The following DMD variants were observed in gnomAD, a reference collection of about 807,000 sequenced individuals.
DMD encodes dystrophin, also known as mutant dystrophin.
In DMD, 63 loss-of-function variants were observed where a neutral mutation model predicts 330.1. The ratio of observed to expected loss-of-function variants is 0.19; its 90% CI spans 0.16 to 0.24. DMD has a LOEUF of 0.24. Ranked by LOEUF, DMD falls within the 10% of genes least tolerant of loss-of-function variation. The pLI is 1.00. For missense variants in DMD, 3,344 were observed against 2,684.1 expected (o/e 1.25, Z -5.43); for synonymous variants, 1,223 against 959.8 (o/e 1.27, Z -5.07).
chrX:32,407,808 T>G (rs1270194812), intron 30 of DMD, among the ~76,000 whole-genome samples: 1 of 108,347 alleles, frequency 9.2e-6, no homozygotes, highest in Non-Finnish European at 1.9e-5. Context: ...AAAGGATGAG[T>G]TCATGTCCTT....
intron 2 of DMD, among the ~76,000 whole-genome samples, chrX:32,946,505 A>C (rs1287469440): frequency 3.6e-5 from 4 of 111,957 alleles, no homozygotes; most frequent in Admixed American, 9.5e-5. Flanking sequence ...CGTAAATTCA[A>C]TGTCCGATTC....
chrX:31,436,932 ATTTCC>A (rs2064573905), intron 60 of DMD, among the ~76,000 whole-genome samples: 1 of 111,015 alleles, frequency 9.0e-6, no homozygotes. Flanking sequence ...TCTTTTTTTT[ATTTCC>A]TTTACTTTTA....
intron 55 of DMD, among the ~76,000 whole-genome samples, chrX:31,523,551 G>T (rs181891059): frequency 1.8e-5 from 2 of 112,362 alleles, no homozygotes; most frequent in Non-Finnish European, 3.8e-5. Flanking sequence ...GACAGTTCTT[G>T]GGTGCAATGA....
chrX:31,163,323 C>T (rs190399876), intron 74 of DMD, among the ~76,000 whole-genome samples: 2 of 111,687 alleles, frequency 1.8e-5, no homozygotes, highest in Non-Finnish European at 3.8e-5. Context: ...CCTGCACATG[C>T]TCTCTTGCCT....
At chrX:32,108,920 T>G (rs2146599415) in intron 44 of DMD, among the ~76,000 whole-genome samples, 1 of 111,649 alleles carries the variant, frequency 9.0e-6, no homozygotes, top group East Asian at 2.8e-4. Context: ...AACATACGAA[T>G]GTTTAAAATT....
intron 16 of DMD, among the ~76,000 whole-genome samples, chrX:32,549,496 G>T (rs1301024649): frequency 3.6e-5 from 4 of 111,253 alleles, no homozygotes; most frequent in Non-Finnish European, 7.5e-5. Context: ...AGCCAGTCCT[G>T]GTTTTGAGAA....
intron 4 of DMD, among the ~76,000 whole-genome samples, chrX:32,837,962 T>C (rs2079803459): frequency 1.8e-5 from 2 of 112,061 alleles, no homozygotes; most frequent in Admixed American, 9.5e-5. Flanking sequence ...TTATTGATAA[T>C]GCTCATATTT....
chrX:32,258,179 G>A (rs2097307089), intron 43 of DMD, among the ~76,000 whole-genome samples: 1 of 111,708 alleles, frequency 9.0e-6, no homozygotes, highest in Non-Finnish European at 1.9e-5. Flanking sequence ...TGCTGGAGAG[G>A]ATGTGGAGAA....
intron 1 of DMD, among the ~76,000 whole-genome samples, chrX:33,223,763 C>CA (rs201214553): frequency 0.022 from 2,417 of 111,004 alleles, 71 homozygotes; most frequent in African/African-American, 0.076. Flanking sequence ...TTCTATGCTG[C>CA]AAAAGACATT....
chrX:31,522,361 CTCTATATATA>C (rs1396006303), intron 55 of DMD, among the ~76,000 whole-genome samples: 2 of 50,257 alleles, frequency 4.0e-5, no homozygotes, highest in Non-Finnish European at 6.4e-5. Context: ...CTCTCTCTCT[CTCTATATATA>C]TATATATATA....
intron 30 of DMD, among the ~76,000 whole-genome samples, chrX:32,396,853 C>A (rs1029946622): frequency 1.8e-5 from 2 of 111,402 alleles, no homozygotes; most frequent in African/African-American, 3.3e-5. Context: ...TTAGCTTGTA[C>A]TTAGGATATC....
intron 1 of DMD, among the ~76,000 whole-genome samples, chrX:33,296,494 T>A (rs2053586237): frequency 9.0e-6 from 1 of 110,543 alleles, no homozygotes; most frequent in African/African-American, 3.3e-5. Flanking sequence ...CAATATAATA[T>A]GAATTCCAGT....
chrX:32,736,907 A>G (rs928428086), intron 7 of DMD, among the ~76,000 whole-genome samples: 2 of 111,134 alleles, frequency 1.8e-5, no homozygotes, highest in African/African-American at 6.6e-5. Flanking sequence ...CCTAAAGCTT[A>G]AAGTATAATA....
At chrX:32,756,544 T>C (rs2071531402) in intron 7 of DMD, 2 of 111,547 alleles carry the variant, frequency 1.8e-5, no homozygotes, top group South Asian at 7.5e-4. Context: ...ATTATATGTC[T>C]TACGCATCTA....
At chrX:31,423,354 A>G (rs959764573) in intron 60 of DMD, among the ~76,000 whole-genome samples, 8 of 111,087 alleles carry the variant, frequency 7.2e-5, no homozygotes, top group Admixed American at 6.7e-4. Flanking sequence ...AACACAACAC[A>G]CTGCAGCTTC....
At chrX:31,561,020 T>A (rs1367433568) in intron 55 of DMD, among the ~76,000 whole-genome samples, 1 of 111,669 alleles carries the variant, frequency 9.0e-6, no homozygotes, top group Non-Finnish European at 1.9e-5. Flanking sequence ...TGTTTGAGGG[T>A]CAACTGTATA....
intron 52 of DMD, among the ~76,000 whole-genome samples, chrX:31,725,474 T>C (rs766372275): frequency 8.9e-6 from 1 of 111,818 alleles, no homozygotes; most frequent in African/African-American, 3.3e-5. Flanking sequence ...CCCAATAGAT[T>C]ATAATTAAAA....
Position 32,614,291 on chromosome X carries a change from A to C in DMD, c.1482+12T>G. 1 of 1,207,829 alleles carries C rather than the reference A, an allele frequency of 8.3e-7. No homozygotes were observed. Among genetic ancestry groups the C allele is most frequent in the Non-Finnish European group, 1.1e-6 (1 of 893,350 alleles). On this transcript the variant is annotated intron_variant, in intron 12 of 78. Transcript: ENST00000357033. ...TTTCTAGTAGAAAGCACGCAACATAAGATACACCTACCTTATGTTGTTGTA... is the reference window on the plus strand; with the variant it reads ...TTTCTAGTAGAAAGCACGCAACATACGATACACCTACCTTATGTTGTTGTA...
At chrX:31,913,742 AAC>A (rs1399494577) in intron 47 of DMD, among the ~76,000 whole-genome samples, 1 of 110,664 alleles carries the variant, frequency 9.0e-6, no homozygotes, top group Non-Finnish European at 1.9e-5. Flanking sequence ...ACAAAAACAA[AAC>A]AAAACAAAAC....
Sources: allele counts gnomAD v4.1 joint callset (sites outside exome capture counted in the v4.1 genomes callset), GRCh38; gene constraint gnomAD v4.1.1; transcripts MANE v1.5; gene names NCBI Gene and HGNC (gene_info 2026-07-23, HGNC 2026-07-21).